The following ZNF683 variants were observed in gnomAD, a reference collection of about 807,000 sequenced individuals.
ZNF683 encodes tissue-resident T-cell transcription regulator protein ZNF683.
Under a neutral mutation model 31.4 loss-of-function variants are expected in ZNF683, and 20 were observed. That is an observed-to-expected ratio of 0.64 (90% CI 0.45 to 0.93). The LOEUF is 0.93. Ranked by LOEUF, ZNF683 falls within the 40% of genes least tolerant of loss-of-function variation. The probability of loss-of-function intolerance (pLI) is 0.00; values close to 1 mark genes in which losing one functional copy is unlikely to be tolerated. For missense variants in ZNF683, 621 were observed against 637.2 expected (o/e 0.97, Z 0.27); for synonymous variants, 264 against 267.6 (o/e 0.99, Z 0.13).
Position 26,361,721 on chromosome 1 carries a change from C to T in ZNF683, c.1445G>A (p.Gly482Glu), listed in dbSNP as rs762841922. 1.9e-5 allele frequency: 31 copies of T among 1,613,938 alleles called. No individual in the cohort carries two copies. The South Asian group carries it at 3.0e-4, about 15-fold the overall frequency. The change falls in exon 6 of 6, where the codon GGG (glycine) becomes GAG (glutamate). Residue 482 changes from glycine (G) to glutamate (E), a missense_variant. Gly to Glu is a moderately conservative substitution (Grantham distance 98). Transcript: ENST00000349618. ...GCTCAGGCTCACTGCTCTTGCTTTC[C>T]CCTGGGATGTCGAGGACACTTTGAC... The part of the protein sequence containing the change: ...DEVKVSSTSQ[G>E]KARAVSLSSA...
In ZNF683 at chr1:26,364,600, T is replaced by G; in HGVS notation, c.946A>C (p.Lys316Gln). The G allele has an allele frequency of 6.2e-7, 1 of 1,613,998 alleles. No homozygotes were observed. Among genetic ancestry groups the G allele is most frequent in the South Asian group, 1.1e-5 (1 of 91,084 alleles). The change falls in exon 4 of 6, where the codon AAG becomes CAG. Residue 316 changes from lysine (K) to glutamine (Q), a missense_variant. By Grantham distance (53) the Lys-to-Gln change is moderately conservative. Coordinates refer to ENST00000349618, the MANE Select transcript of ZNF683 (RefSeq NM_001114759.3). Reference protein sequence around the residue: ...TAALPYPLKKKNGKILYECNI... With the variant: ...TAALPYPLKKQNGKILYECNI... The stretch of plus-strand genomic sequence containing the variant: ...CACTCGTACAGGATTTTGCCATTCT[T>G]CTTTTTCAGCGGGTAAGGCAAGGCT...
Position 26,368,438 on chromosome 1 carries a change from A to G in ZNF683, c.114+20T>C, listed in dbSNP as rs1401374709. The stretch of plus-strand genomic sequence containing the variant: ...TATAAGCAGACTACCCACAAAGGTA[A>G]GGCTGGGGTTCTACCTTACCTGGTC... On this transcript the variant is annotated intron_variant, in intron 2 of 5. Transcript: ENST00000349618. 6.5e-7 allele frequency: 1 copy of G among 1,542,474 alleles called. No individual in the cohort carries two copies. Among genetic ancestry groups the G allele is most frequent in the African/African-American group, 1.4e-5 (1 of 71,700 alleles).
chr1:26,362,304 A>G, intron 5 of ZNF683: 1 of 898,464 alleles, frequency 1.1e-6, no homozygotes, highest in South Asian at 1.5e-5. Flanking sequence ...ACCTAGCTTC[A>G]TAGATATGGT....
chr1:26,363,235 C>A, intron 4 of ZNF683, 81 bp from the exon 5 acceptor site: 1 of 1,496,174 alleles, frequency 6.7e-7, no homozygotes. Context: ...TCTCTGCCCA[C>A]TTCTCTCTCC....
intron 3 of ZNF683, among the ~76,000 whole-genome samples, chr1:26,366,354 A>G (rs1359296067): frequency 6.6e-6 from 1 of 150,642 alleles, no homozygotes; most frequent in African/African-American, 2.5e-5. Context: ...AAAAAAAAAA[A>G]AAAAAAAAAA....
chr1:26,364,418 G>A lies in ZNF683; in HGVS notation c.1014+114C>T, dbSNP rs1570246982. Reference sequence around the variant, plus strand: ...CCATCCAAGGTCACTTGGCCCTAGAGGTTGCCCAGGAGTGCCTTCTAGCTT... The same window carrying A: ...CCATCCAAGGTCACTTGGCCCTAGAAGTTGCCCAGGAGTGCCTTCTAGCTT... On this transcript the variant is annotated intron_variant, in intron 4 of 5. Coordinates refer to ENST00000349618, the MANE Select transcript of ZNF683 (RefSeq NM_001114759.3). 2.5e-6 allele frequency: 3 copies of A among 1,186,318 alleles called. No individual in the cohort carries two copies. The East Asian group carries it at 7.0e-5, about 28-fold the overall frequency. The allele number at this position is 1,186,318 out of a possible 1,614,324, so 73.5% of individuals were successfully genotyped here. A position where few individuals can be genotyped will look rare whatever the true frequency, so the allele number is the denominator to read the frequency against.
intron 3 of ZNF683, among the ~76,000 whole-genome samples, 181 bp from the exon 4 acceptor site, chr1:26,365,407 T>C (rs778020526): frequency 5.3e-5 from 8 of 152,174 alleles, no homozygotes; most frequent in Non-Finnish European, 8.8e-5. Flanking sequence ...GACACCCAGG[T>C]TGAGAAGCCA....
chr1:26,372,522 G>T (rs1327989326), intron 1 of ZNF683, 147 bp downstream of exon 1: 1 of 1,304,862 alleles, frequency 7.7e-7, no homozygotes, highest in South Asian at 1.2e-5. Context: ...CCCAGAAGGG[G>T]TGACCCGCAC....
At chr1:26,372,101 G>A (rs1179595598) in intron 1 of ZNF683, among the ~76,000 whole-genome samples, 1 of 152,060 alleles carries the variant, frequency 6.6e-6, no homozygotes, top group Non-Finnish European at 1.5e-5. Flanking sequence ...TCTGGCCCAG[G>A]GTGCAAAAGC....
rs574901956 is a variant in ZNF683 at position 26,371,614 on chromosome 1, A to AG, written c.-15+1054_-15+1055insC. Among the ~76,000 whole-genome samples the AG allele has an allele frequency of 1.9e-3, 283 of 149,292 alleles. 1 individual carries two copies. The highest frequency in any genetic ancestry group is 6.8e-3 in the African/African-American group (274 of 40,458). ...GACCCTGTCTCTTTAAAAAAAAAAA[A>AG]AATAGACATAGCAAAATGGGTGTAA... On this transcript the variant is annotated intron_variant, in intron 1 of 5. Transcript: ENST00000349618.
chr1:26,372,389 G>C, intron 1 of ZNF683: 1 of 1,023,510 alleles, frequency 9.8e-7, no homozygotes, highest in Non-Finnish European at 1.3e-6. Context: ...CCCTACATGA[G>C]TCTTGAGGGA....
chr1:26,367,862 C>T, intron 2 of ZNF683, 65 bp from the exon 3 acceptor site: 1 of 1,306,870 alleles, frequency 7.7e-7, no homozygotes. Flanking sequence ...CTTAGATGGC[C>T]CCTACCCCTA....
upstream of ZNF683, among the ~76,000 whole-genome samples, chr1:26,374,108 T>C (rs1175865004): frequency 6.6e-6 from 1 of 151,850 alleles, no homozygotes; most frequent in Non-Finnish European, 1.5e-5. Context: ...CTCAGTATCC[T>C]TCAGCGTAAT....
chr1:26,371,557 G>A (rs1004885651), intron 1 of ZNF683, among the ~76,000 whole-genome samples: 5 of 151,120 alleles, frequency 3.3e-5, no homozygotes, highest in African/African-American at 1.2e-4. Context: ...CTAGGATATT[G>A]CCACTGCACT....
intron 4 of ZNF683, 38 bp from the exon 5 acceptor site, chr1:26,363,192 G>C (rs1007629234): frequency 1.2e-5 from 19 of 1,583,428 alleles, no homozygotes; most frequent in Non-Finnish European, 1.6e-5. Context: ...CAACTGCCCA[G>C]CACCCCTAGC....
At chr1:26,365,760 C>T (rs903271997) in intron 3 of ZNF683, among the ~76,000 whole-genome samples, 2 of 152,212 alleles carry the variant, frequency 1.3e-5, no homozygotes, top group African/African-American at 4.8e-5. Context: ...AATAAACTGT[C>T]AGCCAGGTGC....
rs753538778 is a variant in ZNF683 at position 26,361,915 on chromosome 1, C to T, written c.1251G>A (p.Gln417=). ...QCSVCRSRFT[Q]HIHLKLHHRL... ...GATGGTGCAGCTTCAGGTGGATGTG[C>T]TGGGTGAAGCGACTCCGGCAGACAC... The change falls in exon 6 of 6, where the codon CAG becomes CAA. Residue 417 remains glutamine, a synonymous_variant. Transcript: ENST00000349618. 20 of 1,613,852 alleles carry T rather than the reference C, an allele frequency of 1.2e-5. No individual in the cohort carries two copies. The highest frequency in any genetic ancestry group is 1.6e-5 in the Non-Finnish European group (19 of 1,179,896).
At chr1:26,372,445 T>A (rs2074690750) in intron 1 of ZNF683, 1 of 1,295,114 alleles carries the variant, frequency 7.7e-7, no homozygotes, top group African/African-American at 1.5e-5. Context: ...GCCAAATACT[T>A]AATTCCAACC....
upstream of ZNF683, among the ~76,000 whole-genome samples, chr1:26,374,024 C>T (rs2074716209): frequency 6.6e-6 from 1 of 151,246 alleles, no homozygotes; most frequent in African/African-American, 2.4e-5. Flanking sequence ...ACAGCCACCC[C>T]CTCATTTCTT....
Sources: allele counts gnomAD v4.1 joint callset (sites outside exome capture counted in the v4.1 genomes callset), GRCh38; gene constraint gnomAD v4.1.1; transcripts MANE v1.5; gene names NCBI Gene and HGNC (gene_info 2026-07-23, HGNC 2026-07-21).